The following RIPOR2 variants were observed in gnomAD, a reference collection of about 807,000 sequenced individuals.
RIPOR2 encodes the protein rho family-interacting cell polarization regulator 2.
RIPOR2 carries 39 observed loss-of-function variants against 114.5 expected under a neutral mutation model. That is an observed-to-expected ratio of 0.34 (90% CI 0.26 to 0.44). The LOEUF is 0.44. Among genes scored for constraint, RIPOR2 ranks in the 20% least tolerant of loss-of-function variants. RIPOR2 has a pLI of 1.00. For synonymous variants in RIPOR2, 445 were observed against 484.4 expected, an observed-to-expected ratio of 0.92 and a Z score of 1.07; for missense variants, 1,007 against 1,255.1, an observed-to-expected ratio of 0.80 and a Z score of 2.99.
intron 1 of RIPOR2, among the ~76,000 whole-genome samples, chr6:25,021,075 T>G (rs991338303): frequency 1.8e-4 from 28 of 152,150 alleles, no homozygotes; most frequent in Non-Finnish European, 3.2e-4. Context: ...GCCAGGCTGG[T>G]CTCGAACTCC....
intron 4 of RIPOR2, 128 bp downstream of exon 4, chr6:24,872,753 G>A: frequency 5.0e-6 from 3 of 598,284 alleles, no homozygotes; most frequent in South Asian, 4.5e-5. Flanking sequence ...ACATACTGGG[G>A]GATGCAGATA....
chr6:25,010,440 T>C (rs1775732040), intron 1 of RIPOR2, among the ~76,000 whole-genome samples: 1 of 152,336 alleles, frequency 6.6e-6, no homozygotes, highest in African/African-American at 2.4e-5. Flanking sequence ...AGGCTTCGTG[T>C]ACAGCCTGCG....
At chr6:24,994,638 G>A (rs1250580412) in intron 1 of RIPOR2, among the ~76,000 whole-genome samples, 2 of 152,264 alleles carry the variant, frequency 1.3e-5, no homozygotes, top group African/African-American at 2.4e-5. Context: ...TCATGAGAGC[G>A]ATGGGACATG....
At chr6:24,857,398 G>A (rs1012957144) in intron 8 of RIPOR2, among the ~76,000 whole-genome samples, 4 of 152,152 alleles carry the variant, frequency 2.6e-5, no homozygotes, top group Non-Finnish European at 4.4e-5. Context: ...GGGGCTTGCA[G>A]GGGTCATACC....
intron 19 of RIPOR2, among the ~76,000 whole-genome samples, chr6:24,823,423 G>A (rs1486401590): frequency 6.6e-6 from 1 of 152,168 alleles, no homozygotes; most frequent in African/African-American, 2.4e-5. Flanking sequence ...TTAGAGATAA[G>A]ACAGCTAAGT....
chr6:25,017,793 G>A (rs751068735), intron 1 of RIPOR2, among the ~76,000 whole-genome samples: 4 of 152,252 alleles, frequency 2.6e-5, no homozygotes, highest in African/African-American at 7.2e-5. Context: ...GCAGGAATCA[G>A]CAAAGTGAGG....
At chr6:24,954,822 C>G (rs1772955259) in intron 1 of RIPOR2, among the ~76,000 whole-genome samples, 1 of 152,166 alleles carries the variant, frequency 6.6e-6, no homozygotes, top group African/African-American at 2.4e-5. Context: ...AACGTATTCT[C>G]ATTCCCAAGA....
At chr6:25,011,851 C>T (rs987931340) in intron 1 of RIPOR2, among the ~76,000 whole-genome samples, 4 of 151,976 alleles carry the variant, frequency 2.6e-5, no homozygotes, top group Non-Finnish European at 5.9e-5. Flanking sequence ...ACAGTAAAAG[C>T]GTAAGTGACA....
chr6:24,957,595 C>T (rs1045676215), intron 1 of RIPOR2, among the ~76,000 whole-genome samples: 1 of 152,074 alleles, frequency 6.6e-6, no homozygotes. Flanking sequence ...GAAGGAGGGT[C>T]GGGTGCAGTG....
rs141916933 is a variant in RIPOR2, at chr6:24,867,405, T to C, written c.501+1689A>G. On this transcript the variant is annotated intron_variant, in intron 6 of 21. Coordinates refer to ENST00000643898, the MANE Select transcript of RIPOR2 (RefSeq NM_001286445.3). ...GGGCTGGGCCAGGAATCTGAAATTT[T>C]AAATAAACATTGCAAATTGTTCTGA... is the stretch of plus-strand genomic sequence containing the variant. Among the ~76,000 whole-genome samples, 940 of 152,346 alleles carry C rather than the reference T, an allele frequency of 6.2e-3. 12 individuals are homozygous for C. Among genetic ancestry groups the C allele is most frequent in the Middle Eastern group, 0.034 (10 of 294 alleles).
intron 13 of RIPOR2, among the ~76,000 whole-genome samples, chr6:24,841,920 G>A (rs931379385): frequency 2.0e-5 from 3 of 152,054 alleles, no homozygotes; most frequent in South Asian, 2.1e-4. Context: ...GCCCAGCCAG[G>A]AAAACAGTCT....
At position 24,986,150 on chromosome 6, in the gene RIPOR2, T is replaced by G. The variant is rs141734237; in HGVS notation, c.76+55701A>C. ...TGTTTACTACATACTGGGCCCTGTT[T>G]TAAGGCTTTCATGTATGTGCACTCA... On this transcript the variant is annotated intron_variant, in intron 1 of 13. Coordinates refer to the RIPOR2 transcript ENST00000510784. Among the ~76,000 whole-genome samples, 449 of 152,350 alleles carry G rather than the reference T, an allele frequency of 2.9e-3. 4 individuals carry two copies. Among genetic ancestry groups the G allele is most frequent in the East Asian group, 0.021 (107 of 5,188 alleles).
At chr6:24,852,514 G>C (rs1235713026) in intron 9 of RIPOR2, 61 bp downstream of exon 9, 1 of 1,218,918 alleles carries the variant, frequency 8.2e-7, no homozygotes, top group South Asian at 1.3e-5. Context: ...ATAATGACAT[G>C]ACAACTGGCC....
intron 1 of RIPOR2, among the ~76,000 whole-genome samples, chr6:24,901,201 G>A (rs1295873152): frequency 1.3e-5 from 2 of 152,150 alleles, no homozygotes; most frequent in Admixed American, 6.5e-5. Flanking sequence ...TCCCCTACAC[G>A]AAAAACTATG....
Position 25,037,216 on chromosome 6 carries a change from A to G in RIPOR2, c.76+4635T>C, listed in dbSNP as rs1165524956. 6.6e-6 allele frequency among the ~76,000 whole-genome samples: 1 copy of G among 152,200 alleles called. No individual in the cohort carries two copies. The highest frequency in any genetic ancestry group is 1.5e-5 in the Non-Finnish European group (1 of 68,030). ...GGTGGAATAAATTGCCCACAGGCCAACAGCTAAGAAGTTGTAGAAGCAGGA... is the reference window on the plus strand; with the variant it reads ...GGTGGAATAAATTGCCCACAGGCCAGCAGCTAAGAAGTTGTAGAAGCAGGA... On this transcript the variant is annotated intron_variant, in intron 1 of 13. Coordinates refer to the RIPOR2 transcript ENST00000510784. The surrounding 1 kb of genome is among the most constrained non-coding windows in gnomAD (Gnocchi z 4.5).
chr6:24,985,043 C>T (rs908400953), intron 1 of RIPOR2, among the ~76,000 whole-genome samples: 2 of 152,224 alleles, frequency 1.3e-5, no homozygotes, highest in African/African-American at 2.4e-5. Context: ...GGACTTGGGT[C>T]CCCTCCTCAG....
At chr6:25,041,137 G>C (rs1264981903) in intron 1 of RIPOR2, among the ~76,000 whole-genome samples, 1 of 152,072 alleles carries the variant, frequency 6.6e-6, no homozygotes, top group African/African-American at 2.4e-5. Context: ...CCTTACCCCT[G>C]TGAAAACAGA....
At chr6:24,993,077 C>T (rs1163961971) in intron 1 of RIPOR2, among the ~76,000 whole-genome samples, 1 of 152,122 alleles carries the variant, frequency 6.6e-6, no homozygotes, top group Non-Finnish European at 1.5e-5. Flanking sequence ...TCTGTCAGAT[C>T]AATAGTAACA....
intron 1 of RIPOR2, among the ~76,000 whole-genome samples, chr6:24,965,236 C>T (rs1035916173): frequency 1.1e-4 from 16 of 152,216 alleles, no homozygotes; most frequent in African/African-American, 3.9e-4. Context: ...CTCCCAAGCT[C>T]AAGAGATCCT....
Sources: allele counts gnomAD v4.1 joint callset (sites outside exome capture counted in the v4.1 genomes callset), GRCh38; gene constraint gnomAD v4.1.1; non-coding constraint Gnocchi (gnomAD v3.1); transcripts MANE v1.5; gene names NCBI Gene and HGNC (gene_info 2026-07-23, HGNC 2026-07-21).